Variants in C2orf76 observed in about 807,000 individuals in gnomAD.
C2orf76 encodes the protein chromosome 2 open reading frame 76.
A neutral mutation model predicts 16.9 loss-of-function variants in C2orf76; 23 were observed. The ratio of observed to expected loss-of-function variants is 1.36; its 90% CI spans 0.98 to 1.93. C2orf76 has a LOEUF of 1.93. C2orf76 is among the 30% of genes most tolerant of loss of function. The pLI is 0.00. For synonymous variants in C2orf76, 48 were observed against 52.3 expected (o/e 0.92, Z 0.35); for missense variants, 152 against 152.6 (o/e 1.00, Z 0.02).
intron 2 of C2orf76, among the ~76,000 whole-genome samples, chr2:119,325,927 T>G (rs1007882472): frequency 3.6e-4 from 55 of 152,364 alleles, no homozygotes; most frequent in African/African-American, 1.2e-3. Flanking sequence ...ATTATTGAGT[T>G]ATAAGAGGTT....
upstream of C2orf76, chr2:119,366,947 G>T (rs1201956934): frequency 1.3e-5 from 19 of 1,441,940 alleles, no homozygotes; most frequent in South Asian, 1.9e-4. Flanking sequence ...GGGTTGGGGC[G>T]AGTGGACCGC....
chr2:119,310,963 A>C (rs923490462), intron 5 of C2orf76, among the ~76,000 whole-genome samples: 4 of 152,212 alleles, frequency 2.6e-5, no homozygotes, highest in African/African-American at 9.7e-5. Flanking sequence ...TGAGGGGCAC[A>C]CTGCCTTTAA....
the C2orf76 span, among the ~76,000 whole-genome samples, chr2:119,293,101 T>C: frequency 6.6e-6 from 1 of 152,174 alleles, no homozygotes. Flanking sequence ...CATTCTCTCA[T>C]CCCAGAAACA....
At chr2:119,317,973 C>T (rs969158465) in intron 3 of C2orf76, among the ~76,000 whole-genome samples, 1 of 152,094 alleles carries the variant, frequency 6.6e-6, no homozygotes, top group Non-Finnish European at 1.5e-5. Context: ...AGTATTCAAA[C>T]ACTGTATCTA....
the C2orf76 span, among the ~76,000 whole-genome samples, chr2:119,296,778 C>G: frequency 1.3e-5 from 2 of 152,192 alleles, no homozygotes; most frequent in African/African-American, 4.8e-5. Flanking sequence ...CCAAGTGTTC[C>G]TTTGGCAAAG....
At chr2:119,288,548 T>C in the C2orf76 span, among the ~76,000 whole-genome samples, 7,261 of 152,014 alleles carry the variant, frequency 0.048, 285 homozygotes, top group East Asian at 0.13. Flanking sequence ...AGTAAGGGGA[T>C]AATACAAACA....
downstream of C2orf76, among the ~76,000 whole-genome samples, chr2:119,297,461 G>A (rs1678557903): frequency 1.3e-5 from 2 of 152,220 alleles, no homozygotes; most frequent in South Asian, 2.1e-4. Flanking sequence ...ATGCAAAGGA[G>A]TGACCTTGCA....
At chr2:119,287,869 G>A in the C2orf76 span, among the ~76,000 whole-genome samples, 5 of 152,132 alleles carry the variant, frequency 3.3e-5, no homozygotes, top group Non-Finnish European at 7.4e-5. Flanking sequence ...CAGTTAGTTG[G>A]TTGTGTTGGG....
intron 1 of C2orf76, chr2:119,340,311 A>T: frequency 5.2e-6 from 1 of 193,228 alleles, no homozygotes; most frequent in Non-Finnish European, 1.1e-5. Context: ...AACACACAGC[A>T]GACACACGCC....
At chr2:119,340,136 A>G in intron 1 of C2orf76, 165 bp from the exon 2 acceptor site, 1 of 660,438 alleles carries the variant, frequency 1.5e-6, no homozygotes, top group East Asian at 2.8e-5. Flanking sequence ...AGTCCCCAGA[A>G]GGGTCCCAGT....
At chr2:119,330,760 T>G (rs1277541948) in intron 2 of C2orf76, among the ~76,000 whole-genome samples, 2 of 151,608 alleles carry the variant, frequency 1.3e-5, no homozygotes, top group East Asian at 3.9e-4. Flanking sequence ...TTTTCCTGTG[T>G]TTCATTTTAG....
chr2:119,316,625 T>C (rs899470139), intron 4 of C2orf76, among the ~76,000 whole-genome samples: 1 of 145,924 alleles, frequency 6.9e-6, no homozygotes, highest in Admixed American at 7.1e-5. Context: ...CATCTACGAC[T>C]ACAGAAGACA....
chr2:119,304,648 A>T (rs999890269), intron 5 of C2orf76, among the ~76,000 whole-genome samples: 9 of 152,336 alleles, frequency 5.9e-5, no homozygotes, highest in African/African-American at 9.6e-5. Flanking sequence ...GATTTAAAAA[A>T]TTTTTCACCC....
At chr2:119,344,945 TGA>T (rs1680151875) in intron 1 of C2orf76, among the ~76,000 whole-genome samples, 1 of 152,146 alleles carries the variant, frequency 6.6e-6, no homozygotes, top group Admixed American at 6.5e-5. Context: ...TAAATGGCAT[TGA>T]GAAAACTAAT....
At chr2:119,308,049 G>T (rs1283067818) in intron 5 of C2orf76, among the ~76,000 whole-genome samples, 1 of 152,108 alleles carries the variant, frequency 6.6e-6, no homozygotes, top group Non-Finnish European at 1.5e-5. Context: ...TTTCAGAGAG[G>T]ATAAGAGGCT....
chr2:119,357,333 A>G (rs1680602320), intron 1 of C2orf76, among the ~76,000 whole-genome samples: 2 of 152,256 alleles, frequency 1.3e-5, no homozygotes, highest in South Asian at 4.1e-4. Flanking sequence ...AATAGAATTT[A>G]GCAATACATA....
At chr2:119,312,187 G>A (rs768872829) in intron 4 of C2orf76, among the ~76,000 whole-genome samples, 34 of 152,204 alleles carry the variant, frequency 2.2e-4, no homozygotes, top group East Asian at 1.2e-3. Flanking sequence ...CCTGGTCAGC[G>A]ACAGAGCTGA....
intron 2 of C2orf76, among the ~76,000 whole-genome samples, chr2:119,338,359 G>A (rs1168591243): frequency 6.6e-6 from 1 of 152,198 alleles, no homozygotes; most frequent in African/African-American, 2.4e-5. Context: ...CTATCAGTCT[G>A]GAGACAGCAC....
chr2:119,288,971 G>A, the C2orf76 span, among the ~76,000 whole-genome samples: 5 of 151,964 alleles, frequency 3.3e-5, no homozygotes, highest in Non-Finnish European at 7.4e-5. Context: ...AGGCTTTCAG[G>A]GAAAACCGAA....
Sources: allele counts gnomAD v4.1 joint callset (sites outside exome capture counted in the v4.1 genomes callset), GRCh38; gene constraint gnomAD v4.1.1; transcripts MANE v1.5; gene names NCBI Gene and HGNC (gene_info 2026-07-23, HGNC 2026-07-21).